The following EML5 variants were observed in gnomAD, a reference collection of about 807,000 sequenced individuals.
EML5 encodes the protein EMAP like 5, also known as echinoderm microtubule-associated protein-like 5.
A neutral mutation model predicts 250.0 loss-of-function variants in EML5; 120 were observed. The ratio of observed to expected loss-of-function variants is 0.48; its 90% CI spans 0.41 to 0.56. The LOEUF (loss-of-function observed/expected upper bound fraction) is 0.56. EML5 is among the 20% of genes least tolerant of loss of function. EML5 has a pLI of 0.00. For synonymous variants in EML5, 771 were observed against 806.5 expected (o/e 0.96, Z 0.75); for missense variants, 2,006 against 2,437.6 (o/e 0.82, Z 3.73).
intron 1 of EML5, among the ~76,000 whole-genome samples, chr14:88,784,479 C>CT (rs780223323): frequency 6.6e-6 from 1 of 151,184 alleles, no homozygotes; most frequent in Non-Finnish European, 1.5e-5. Flanking sequence ...TGCAGAAATT[C>CT]AAAGGATCAT....
At chr14:88,656,187 G>A (rs992781007) in intron 27 of EML5, among the ~76,000 whole-genome samples, 4 of 152,068 alleles carry the variant, frequency 2.6e-5, no homozygotes, top group Non-Finnish European at 4.4e-5. Flanking sequence ...TTACAGCACT[G>A]TTCACAATAG....
At chr14:88,627,916 G>T in intron 33 of EML5, 97 bp from the exon 34 acceptor site, 1 of 1,135,084 alleles carries the variant, frequency 8.8e-7, no homozygotes, top group Non-Finnish European at 1.3e-6. Flanking sequence ...ATGGACAAAT[G>T]TGTACCAAAC....
chr14:88,729,797 G>A (rs190914249), intron 7 of EML5, among the ~76,000 whole-genome samples: 2 of 151,902 alleles, frequency 1.3e-5, no homozygotes, highest in African/African-American at 4.8e-5. Context: ...TTGGCCTCAT[G>A]TGATCCACCT....
intron 2 of EML5, among the ~76,000 whole-genome samples, chr14:88,751,879 T>C (rs917516506): frequency 1.3e-5 from 2 of 152,168 alleles, no homozygotes; most frequent in African/African-American, 4.8e-5. Context: ...TTTGTGTCCA[T>C]TAACTGAATT....
chr14:88,711,853 G>A (rs1259829673), intron 10 of EML5, among the ~76,000 whole-genome samples: 1 of 152,008 alleles, frequency 6.6e-6, no homozygotes, highest in Non-Finnish European at 1.5e-5. Context: ...GCTGAGGCAG[G>A]AGGGTTGATG....
Position 88,616,710 on chromosome 14 carries a change from C to A in EML5, c.5796+16G>T. 1 of 1,605,660 alleles carries A rather than the reference C, an allele frequency of 6.2e-7. No homozygotes were observed. The highest frequency in any genetic ancestry group is 8.5e-7 in the Non-Finnish European group (1 of 1,175,254). Reference sequence around the variant, plus strand: ...TTAGGAGTAAACTGATAATAGTAAACAAAACACAAACTTACAAATTTTTCT... The same window carrying A: ...TTAGGAGTAAACTGATAATAGTAAAAAAAACACAAACTTACAAATTTTTCT... On this transcript the variant is annotated intron_variant, in intron 42 of 43. Transcript: ENST00000554922.
chr14:88,746,312 G>C, intron 2 of EML5, 29 bp from the exon 3 acceptor site: 3 of 1,559,042 alleles, frequency 1.9e-6, no homozygotes, highest in Non-Finnish European at 2.6e-6. Context: ...GTCCAGGAAG[G>C]AATAAAAAGG....
At chr14:88,641,248 T>C (rs1416069562) in intron 31 of EML5, among the ~76,000 whole-genome samples, 1 of 152,062 alleles carries the variant, frequency 6.6e-6, no homozygotes, top group African/African-American at 2.4e-5. Context: ...CACTCCTCTC[T>C]AACTCATTCT....
chr14:88,748,255 A>C (rs1375520783), intron 2 of EML5, among the ~76,000 whole-genome samples: 1 of 152,194 alleles, frequency 6.6e-6, no homozygotes, highest in African/African-American at 2.4e-5. Flanking sequence ...CAAAGAAGAA[A>C]TTCTAGAAAA....
chr14:88,761,759 G>C (rs2094247612), intron 1 of EML5, among the ~76,000 whole-genome samples: 1 of 152,184 alleles, frequency 6.6e-6, no homozygotes, highest in Admixed American at 6.5e-5. Context: ...CTAGATCCTT[G>C]AGGAATCACC....
At chr14:88,671,832 A>G (rs2092469915) in intron 21 of EML5, among the ~76,000 whole-genome samples, 1 of 152,220 alleles carries the variant, frequency 6.6e-6, no homozygotes, top group African/African-American at 2.4e-5. Context: ...AAATGGGATC[A>G]ATTCAACAAG....
At chr14:88,727,218 T>C (rs548035188) in intron 7 of EML5, among the ~76,000 whole-genome samples, 1 of 152,280 alleles carries the variant, frequency 6.6e-6, no homozygotes, top group African/African-American at 2.4e-5. Flanking sequence ...GTCAACATGA[T>C]GAGTATGCAC....
At chr14:88,693,811 G>T (rs1458691083) in intron 17 of EML5, among the ~76,000 whole-genome samples, 4 of 100,778 alleles carry the variant, frequency 4.0e-5, no homozygotes, top group African/African-American at 1.6e-4. Flanking sequence ...TTGCTCTGTT[G>T]CCCAGGCTGC....
intron 2 of EML5, among the ~76,000 whole-genome samples, chr14:88,754,121 G>A (rs1470592095): frequency 6.6e-6 from 1 of 152,052 alleles, no homozygotes; most frequent in Admixed American, 6.6e-5. Flanking sequence ...GCGTGACCCT[G>A]TCTCTAAAAA....
At chr14:88,684,994 C>G in intron 20 of EML5, 21 bp downstream of exon 20, 5 of 1,573,018 alleles carry the variant, frequency 3.2e-6, no homozygotes, top group Non-Finnish European at 4.3e-6. Flanking sequence ...GAAAAAAAAA[C>G]AAATTAGCAT....
intron 4 of EML5, among the ~76,000 whole-genome samples, chr14:88,741,275 T>C (rs995821628): frequency 6.6e-6 from 1 of 152,166 alleles, no homozygotes; most frequent in Non-Finnish European, 1.5e-5. Context: ...ATACTCTCTC[T>C]GATAGAAACA....
rs1370425648 is a variant in EML5 at position 88,706,268 on chromosome 14, C to T, written c.1816G>A (p.Ala606Thr). ...AATGCATACTACTCACCTTGGGGTG[C>T]TATGTGAACAGCATCTTTCAGTTTT... ...ERKLKDAVHI[A>T]PQESLADSHS... is the part of the protein sequence containing the mutation. Residue 606 changes from alanine to threonine, a missense_variant, in exon 11 of 44, where the codon GCA (alanine) becomes ACA (threonine). Coordinates refer to ENST00000554922, the MANE Select transcript of EML5 (RefSeq NM_183387.3). 1 of 1,603,258 alleles carries T rather than the reference C, an allele frequency of 6.2e-7. No homozygotes were observed. The highest frequency in any genetic ancestry group is 1.1e-5 in the South Asian group (1 of 88,034).
chr14:88,758,709 A>G (rs1358331389), intron 1 of EML5, among the ~76,000 whole-genome samples: 1 of 152,254 alleles, frequency 6.6e-6, no homozygotes, highest in East Asian at 1.9e-4. Flanking sequence ...ATGTCCACAC[A>G]AAACTTGTAC....
intron 42 of EML5, 189 bp from the exon 43 acceptor site, chr14:88,616,431 G>A (rs1057013843): frequency 1.6e-6 from 1 of 635,162 alleles, no homozygotes; most frequent in African/African-American, 1.8e-5. Flanking sequence ...GCAGTCAGAT[G>A]TCTCCAGGTA....
Sources: allele counts gnomAD v4.1 joint callset (sites outside exome capture counted in the v4.1 genomes callset), GRCh38; gene constraint gnomAD v4.1.1; transcripts MANE v1.5; gene names NCBI Gene and HGNC (gene_info 2026-07-23, HGNC 2026-07-21).